The following MZT2B variants were observed in gnomAD, a reference collection of about 807,000 sequenced individuals.
The protein encoded by MZT2B is mitotic-spindle organizing protein 2B.
Under a neutral mutation model 12.1 loss-of-function variants are expected in MZT2B, and 11 were observed. The ratio of observed to expected loss-of-function variants is 0.91; its 90% CI spans 0.57 to 1.50. MZT2B has a LOEUF of 1.50. Among genes scored for constraint, MZT2B ranks in the 40% most tolerant of loss-of-function variants. The pLI is 0.00. For synonymous variants in MZT2B, 85 were observed against 109.5 expected, an observed-to-expected ratio of 0.78 and a Z score of 1.40; for missense variants, 209 against 227.7, an observed-to-expected ratio of 0.92 and a Z score of 0.53.
At chr2:130,201,587 CG>C in the MZT2B span, among the ~76,000 whole-genome samples, 34 of 148,264 alleles carry the variant, frequency 2.3e-4, no homozygotes, top group Admixed American at 1.3e-3. Context: ...CTAATATTGG[CG>C]GGGGGGGACA....
intron 2 of MZT2B, among the ~76,000 whole-genome samples, chr2:130,189,774 T>C (rs1690189800): frequency 6.6e-6 from 1 of 152,156 alleles, no homozygotes; most frequent in African/African-American, 2.4e-5. Flanking sequence ...GTAAGCAAAT[T>C]ACAAATCAAA....
downstream of MZT2B, chr2:130,191,864 C>T (rs1690266930): frequency 6.2e-7 from 1 of 1,612,450 alleles, no homozygotes. Flanking sequence ...CCTCAGCTTC[C>T]ACGGAATCCA....
At chr2:130,191,700 A>G, downstream of MZT2B, 2 of 1,475,258 alleles carry the variant, frequency 1.4e-6, no homozygotes, top group Non-Finnish European at 9.0e-7. Context: ...CTGGGGTCCC[A>G]CCAGCTCCTG....
At chr2:130,191,953 C>T (rs564899059), downstream of MZT2B, 9 of 1,614,060 alleles carry the variant, frequency 5.6e-6, no homozygotes, top group African/African-American at 1.3e-5. Flanking sequence ...TCCATGCCTT[C>T]GCCCACGTAC....
chr2:130,182,423 G>T lies in MZT2B; in HGVS notation c.141G>T (p.Ala47=). Residue 47 remains alanine (A), a synonymous_variant, in exon 1 of 3, where the codon GCG becomes GCT. Transcript: ENST00000281871. ...AGCTGTACGAGCTGGCGCAGGCGGC[G>T]GGCGGCGCTATCGACCCCGACGTGT... The part of the protein sequence containing the change: ...EMELYELAQA[A]GGAIDPDVFK... 1 of 1,563,508 alleles carries T rather than the reference G, an allele frequency of 6.4e-7. No homozygotes were observed. Among genetic ancestry groups the T allele is most frequent in the Non-Finnish European group, 8.6e-7 (1 of 1,157,138 alleles).
chr2:130,183,105 C>G, intron 2 of MZT2B: 3 of 479,970 alleles, frequency 6.3e-6, no homozygotes, highest in Non-Finnish European at 1.1e-5. Context: ...CGCCCTGGCT[C>G]ACGCCTATAA....
chr2:130,194,386 C>G (rs539714684), downstream of MZT2B: 62 of 1,613,036 alleles, frequency 3.8e-5, no homozygotes, highest in Admixed American at 9.7e-4. Context: ...GCTCCATGAG[C>G]AGAGATGCGA....
chr2:130,184,606 A>C (rs1689985371), intron 2 of MZT2B: 1 of 985,244 alleles, frequency 1.0e-6, no homozygotes, highest in Non-Finnish European at 1.2e-6. Context: ...TGCCACCCAG[A>C]GCTCGGACCC....
rs117278426 is a variant in MZT2B at position 130,186,239 on chromosome 2, C to G, written c.319+3464C>G. On this transcript the variant is annotated intron_variant, in intron 2 of 2. Coordinates refer to ENST00000281871, the MANE Select transcript of MZT2B (RefSeq NM_025029.5). ...CTCCAGGCTGTGGGCCAGGCCCTCT[C>G]AAGCTTGCCTCTGAGCTGCAGCAGG... is the stretch of plus-strand genomic sequence containing the variant. Among the ~76,000 whole-genome samples, 75 of 152,222 alleles carry G rather than the reference C, an allele frequency of 4.9e-4. 1 individual carries two copies. The East Asian group carries it at 0.014, about 28-fold the overall frequency.
chr2:130,186,707 G>C (rs529939618), intron 2 of MZT2B, among the ~76,000 whole-genome samples: 1 of 152,192 alleles, frequency 6.6e-6, no homozygotes, highest in Non-Finnish European at 1.5e-5. Flanking sequence ...CAGCAGTTCA[G>C]GACTAGCCAG....
Position 130,182,630 on chromosome 2 carries a change from C to T in MZT2B, c.174C>T (p.Ile58=), listed in dbSNP as rs759533382. 6.5e-7 allele frequency: 1 copy of T among 1,532,592 alleles called. No homozygotes were observed. Among genetic ancestry groups the T allele is most frequent in the South Asian group, 1.2e-5 (1 of 80,314 alleles). 94.9% of individuals were successfully genotyped at this position (1,532,592 alleles called of 1,614,324 possible). A position where few individuals can be genotyped will look rare whatever the true frequency, so the allele number is the denominator to read the frequency against. The change falls in exon 2 of 3, where the codon ATC becomes ATT. Residue 58 remains isoleucine (I), a synonymous_variant. Transcript: ENST00000281871. ...GCCCCGCGTCTGTCCCCGCCAGGAT[C>T]CTGGTGGACCTGCTGAAGCTGAACG... is the stretch of plus-strand genomic sequence containing the variant. The part of the protein sequence containing the change: ...GGAIDPDVFK[I]LVDLLKLNVA...
At chr2:130,190,399 C>CACG in intron 2 of MZT2B, 70 bp from the exon 3 acceptor site, 3 of 1,587,880 alleles carry the variant, frequency 1.9e-6, no homozygotes, top group Non-Finnish European at 2.6e-6. Flanking sequence ...GCCCAAGGAC[C>CACG]ACGAGTACAG....
chr2:130,183,461 T>G (rs34409208), intron 2 of MZT2B: 177,342 of 452,498 alleles, frequency 0.39, 35,348 homozygotes, highest in Admixed American at 0.46. Context: ...CTGAGGAGAT[T>G]CTGGGACTGA....
the MZT2B span, among the ~76,000 whole-genome samples, chr2:130,199,010 C>G: frequency 4.0e-5 from 5 of 123,518 alleles, 1 homozygote; most frequent in African/African-American, 1.4e-4. Context: ...CAAGAGTTCC[C>G]GAGACCAGCC....
rs182358690 is a variant in MZT2B at position 130,183,602 on chromosome 2, G to A, written c.319+827G>A. The A allele has an allele frequency of 2.0e-6, 2 of 998,432 alleles. 1 individual carries two copies. The highest frequency in any genetic ancestry group is 4.0e-5 in the Admixed American group (2 of 50,100). 61.8% of individuals were successfully genotyped at this position (998,432 alleles called of 1,614,324 possible). ...AAGGCCCAGAGCTGGCTCCCTGCCT[G>A]GAAGCACGAGGAGACCCGCACAGGC... On this transcript the variant is annotated intron_variant, in intron 2 of 2. Coordinates refer to ENST00000281871, the MANE Select transcript of MZT2B (RefSeq NM_025029.5).
At chr2:130,194,186 A>G (rs770890837), downstream of MZT2B, 11 of 1,613,198 alleles carry the variant, frequency 6.8e-6, no homozygotes, top group Admixed American at 3.3e-5. Context: ...GGGACGTTCA[A>G]TGTCCAGGTT....
At chr2:130,192,838 G>A (rs1048674681), downstream of MZT2B, among the ~76,000 whole-genome samples, 1 of 152,204 alleles carries the variant, frequency 6.6e-6, no homozygotes, top group African/African-American at 2.4e-5. Context: ...GCTCAAGCCT[G>A]TGACCCCAGC....
chr2:130,190,249 C>G (rs926143228), intron 2 of MZT2B, among the ~76,000 whole-genome samples: 3 of 152,214 alleles, frequency 2.0e-5, no homozygotes, highest in African/African-American at 7.2e-5. Flanking sequence ...TCCTAGGACA[C>G]ATCCAAAAGG....
downstream of MZT2B, chr2:130,190,763 T>C (rs1429091940): frequency 7.0e-7 from 1 of 1,430,756 alleles, no homozygotes; most frequent in Non-Finnish European, 9.2e-7. Flanking sequence ...TGTTTTTTTT[T>C]TTATATTAAG....
Sources: gnomAD v4.1 joint callset for allele counts (sites outside exome capture counted in the v4.1 genomes callset) on GRCh38, gnomAD v4.1.1 for gene constraint, MANE v1.5 for transcripts, NCBI Gene and HGNC (gene_info 2026-07-23, HGNC 2026-07-21) for gene names.